The following ZNF536 variants were observed in gnomAD, a reference collection of about 807,000 sequenced individuals.
ZNF536 encodes zinc finger protein 536.
A neutral mutation model predicts 84.5 loss-of-function variants in ZNF536; 13 were observed. That is an observed-to-expected ratio of 0.15 (90% CI 0.10 to 0.24). The LOEUF is 0.24. Ranked by LOEUF, ZNF536 falls within the 10% of genes least tolerant of loss-of-function variation. The pLI, the probability that ZNF536 is intolerant of heterozygous loss-of-function variation, is 1.00. For synonymous variants in ZNF536, 811 were observed against 742.5 expected, an observed-to-expected ratio of 1.09 and a Z score of -1.50; for missense variants, 1,536 against 1,747.5, an observed-to-expected ratio of 0.88 and a Z score of 2.16.
chr19:30,444,430 G>A lies in ZNF536; in HGVS notation c.868G>A (p.Asp290Asn), dbSNP rs775873386. Residue 290 changes from aspartate to asparagine, a missense_variant, in exon 2 of 5, where the codon GAC (aspartate) becomes AAC (asparagine). Transcript: ENST00000355537. ...KGKFKKREELDRHIRILHKPY... is the reference protein window; with the variant it reads ...KGKFKKREELNRHIRILHKPY... ...CAAGTTCAAGAAGCGCGAGGAGCTG[G>A]ACCGCCACATCCGCATCTTGCACAA... The A allele has an allele frequency of 1.9e-6, 3 of 1,608,762 alleles. No homozygotes were observed. The highest frequency in any genetic ancestry group is 2.5e-6 in the Non-Finnish European group (3 of 1,179,852).
At chr19:30,527,901 T>C (rs2044654948) in intron 2 of ZNF536, among the ~76,000 whole-genome samples, 1 of 152,158 alleles carries the variant, frequency 6.6e-6, no homozygotes, top group Non-Finnish European at 1.5e-5. Context: ...TTAAGAAAGA[T>C]GTGATTTTTT....
At chr19:30,481,562 T>C (rs949517655) in intron 2 of ZNF536, among the ~76,000 whole-genome samples, 2 of 152,244 alleles carry the variant, frequency 1.3e-5, no homozygotes, top group Admixed American at 1.3e-4. Flanking sequence ...TACAAACATT[T>C]ATTGAGTTTT....
chr19:30,403,528 G>A (rs1365319642), intron 1 of ZNF536, among the ~76,000 whole-genome samples: 1 of 152,198 alleles, frequency 6.6e-6, no homozygotes, highest in Non-Finnish European at 1.5e-5. Flanking sequence ...GAAGTCTACA[G>A]GGGCTTCTCT....
chr19:30,553,353 A>G (rs765922556), intron 4 of ZNF536, among the ~76,000 whole-genome samples: 1 of 152,210 alleles, frequency 6.6e-6, no homozygotes, highest in Non-Finnish European at 1.5e-5. Flanking sequence ...CACAGCACCC[A>G]TGGGGCCCAC....
At chr19:30,362,772 T>C (rs1258313310) in intron 3 of ZNF536, among the ~76,000 whole-genome samples, 1 of 151,854 alleles carries the variant, frequency 6.6e-6, no homozygotes, top group Non-Finnish European at 1.5e-5. Context: ...TGTTTATGAG[T>C]GTGAGAGGCC....
intron 2 of ZNF536, among the ~76,000 whole-genome samples, chr19:30,327,260 G>C (rs80167258): frequency 2.8e-3 from 424 of 152,136 alleles, no homozygotes; most frequent in Middle Eastern, 0.01. Flanking sequence ...ATATTTCCTC[G>C]GGCTTGGGGT....
At chr19:30,590,156 C>T (rs2047226650) in intron 1 of ZNF536, among the ~76,000 whole-genome samples, 1 of 152,174 alleles carries the variant, frequency 6.6e-6, no homozygotes, top group South Asian at 2.1e-4. Flanking sequence ...CATGGAGGTT[C>T]TTCATGGGCT....
intron 1 of ZNF536, among the ~76,000 whole-genome samples, chr19:30,596,191 T>C (rs983511340): frequency 6.6e-6 from 1 of 150,798 alleles, no homozygotes; most frequent in Non-Finnish European, 1.5e-5. Context: ...CAAAATATAT[T>C]CCACTGAATG....
At chr19:30,338,156 GTGA>G (rs556197886) in intron 2 of ZNF536, among the ~76,000 whole-genome samples, 17 of 151,220 alleles carry the variant, frequency 1.1e-4, no homozygotes, top group African/African-American at 3.2e-4. Flanking sequence ...TGTGATGATT[GTGA>G]TGATGATGAT....
chr19:30,460,846 C>A (rs17614190), intron 2 of ZNF536, among the ~76,000 whole-genome samples: 1 of 152,098 alleles, frequency 6.6e-6, no homozygotes, highest in Non-Finnish European at 1.5e-5. Context: ...TCAGGGATTG[C>A]GACTCAGGGT....
At chr19:30,549,695 A>T (rs2045700492) in intron 4 of ZNF536, among the ~76,000 whole-genome samples, 181 bp downstream of exon 4, 1 of 152,222 alleles carries the variant, frequency 6.6e-6, no homozygotes, top group African/African-American at 2.4e-5. Flanking sequence ...TAGAAGTTTT[A>T]GAACTCATAC....
At chr19:30,675,049 C>T (rs1429389840) in intron 1 of ZNF536, among the ~76,000 whole-genome samples, 1 of 152,166 alleles carries the variant, frequency 6.6e-6, no homozygotes, top group Non-Finnish European at 1.5e-5. Flanking sequence ...GATAACAGTG[C>T]AGTGCTCCAC....
intron 1 of ZNF536, among the ~76,000 whole-genome samples, chr19:30,272,660 G>A (rs547293457): frequency 4.5e-4 from 69 of 152,218 alleles, no homozygotes; most frequent in Non-Finnish European, 9.0e-4. Context: ...ATTTGGATTC[G>A]TATGACATGT....
intron 1 of ZNF536, among the ~76,000 whole-genome samples, chr19:30,570,194 C>T (rs1396218236): frequency 6.6e-6 from 1 of 152,198 alleles, no homozygotes; most frequent in African/African-American, 2.4e-5. Context: ...AGGCAAGTGG[C>T]GTGCCCTGCC....
chr19:30,631,180 T>C (rs1201266748), intron 1 of ZNF536, among the ~76,000 whole-genome samples: 1 of 152,208 alleles, frequency 6.6e-6, no homozygotes, highest in Non-Finnish European at 1.5e-5. Flanking sequence ...CTCCCCTCCC[T>C]GGCCATCTGC....
rs1599695752 is a variant in ZNF536 at position 30,526,875 on chromosome 19, T to C, written c.2171-7972T>C. On this transcript the variant is annotated intron_variant, in intron 2 of 4. Coordinates refer to ENST00000355537, the MANE Select transcript of ZNF536 (RefSeq NM_014717.3). ...TTCATTTTCACTTAACTCATCAAAA[T>C]GTTGCTTTAGAGAAGGTATTTGAAA... Among the ~76,000 whole-genome samples, 3 of 152,128 alleles carry C rather than the reference T, an allele frequency of 2.0e-5. No individual in the cohort carries two copies. In the South Asian group the frequency reaches 6.2e-4, roughly 32 times the overall value.
chr19:30,527,822 T>TC (rs1431132271), intron 2 of ZNF536, among the ~76,000 whole-genome samples: 2 of 152,190 alleles, frequency 1.3e-5, no homozygotes, highest in Non-Finnish European at 2.9e-5. Flanking sequence ...CTTTGGACTT[T>TC]CCCCAAGGTG....
chr19:30,237,327 A>T (rs746333768), intron 1 of ZNF536, among the ~76,000 whole-genome samples: 3 of 151,916 alleles, frequency 2.0e-5, no homozygotes, highest in Non-Finnish European at 4.4e-5. Context: ...TGTCTCTTTG[A>T]CTCACTTCTG....
At chr19:30,447,367 G>A (rs2052401325) in intron 2 of ZNF536, among the ~76,000 whole-genome samples, 2 of 152,106 alleles carry the variant, frequency 1.3e-5, no homozygotes. Flanking sequence ...GGACTCTGCC[G>A]GCTTATTACA....
Sources: gnomAD v4.1 joint callset for allele counts (sites outside exome capture counted in the v4.1 genomes callset) on GRCh38, gnomAD v4.1.1 for gene constraint, MANE v1.5 for transcripts, NCBI Gene and HGNC (gene_info 2026-07-23, HGNC 2026-07-21) for gene names.